The following EPB41L4B variants were observed in gnomAD, a reference collection of about 807,000 sequenced individuals.
The protein encoded by EPB41L4B is erythrocyte membrane protein band 4.1 like 4B, also known as band 4.1-like protein 4B.
In EPB41L4B, 30 loss-of-function variants were observed where a neutral mutation model predicts 112.5. That is an observed-to-expected ratio of 0.27 (90% CI 0.20 to 0.36). The LOEUF is 0.36. Among genes scored for constraint, EPB41L4B ranks in the 10% least tolerant of loss-of-function variants. The pLI is 1.00. For missense variants in EPB41L4B, 1,024 were observed against 1,133.3 expected (o/e 0.90, Z 1.38); for synonymous variants, 408 against 439.7 (o/e 0.93, Z 0.90).
chr9:109,233,284 C>G (rs995742763), intron 15 of EPB41L4B, among the ~76,000 whole-genome samples: 7 of 152,080 alleles, frequency 4.6e-5, no homozygotes, highest in African/African-American at 1.7e-4. Flanking sequence ...TATATTGAAA[C>G]TTTAATTGTA....
At chr9:109,182,687 A>C in intron 24 of EPB41L4B, 42 bp downstream of exon 24, 1 of 1,463,622 alleles carries the variant, frequency 6.8e-7, no homozygotes, top group African/African-American at 1.4e-5. Flanking sequence ...CCGCATGGGA[A>C]CAAGGGTTTA....
At chr9:109,281,869 C>T (rs1435216706) in intron 1 of EPB41L4B, among the ~76,000 whole-genome samples, 1 of 152,106 alleles carries the variant, frequency 6.6e-6, no homozygotes, top group Non-Finnish European at 1.5e-5. Context: ...GAGTTAGTTA[C>T]CACATGACCC....
chr9:109,253,406 T>C (rs751213450), intron 12 of EPB41L4B, 35 bp downstream of exon 12: 22 of 1,470,282 alleles, frequency 1.5e-5, no homozygotes, highest in Non-Finnish European at 2.1e-5. Context: ...TCAAGCATAA[T>C]GTAAAATTCC....
At chr9:109,296,296 C>T (rs1162124896) in intron 1 of EPB41L4B, among the ~76,000 whole-genome samples, 1 of 152,178 alleles carries the variant, frequency 6.6e-6, no homozygotes, top group African/African-American at 2.4e-5. Context: ...ACTGTTCCCC[C>T]ATAAGCCATG....
At chr9:109,277,479 T>C (rs554243783) in intron 2 of EPB41L4B, among the ~76,000 whole-genome samples, 410 of 152,272 alleles carry the variant, frequency 2.7e-3, no homozygotes, top group Non-Finnish European at 4.7e-3. Context: ...GATCCAGACA[T>C]GGACCTGTCG....
intron 6 of EPB41L4B, among the ~76,000 whole-genome samples, chr9:109,262,450 GGGGT>G (rs869038301): frequency 0.057 from 577 of 10,114 alleles, 10 homozygotes; most frequent in African/African-American, 0.13. Context: ...GGTGTGTGTG[GGGGT>G]GTGTGTGTGT....
At chr9:109,189,934 C>A (rs561921046) in intron 22 of EPB41L4B, among the ~76,000 whole-genome samples, 6 of 148,248 alleles carry the variant, frequency 4.0e-5, no homozygotes, top group African/African-American at 1.5e-4. Context: ...CCAGCTTTTT[C>A]TTTTCTTTTC....
At chr9:109,224,064 C>A (rs948881847) in intron 15 of EPB41L4B, among the ~76,000 whole-genome samples, 1 of 150,406 alleles carries the variant, frequency 6.6e-6, no homozygotes, top group Admixed American at 6.6e-5. Flanking sequence ...ATAAAATAAA[C>A]CAGGGGAAAC....
intron 1 of EPB41L4B, among the ~76,000 whole-genome samples, chr9:109,300,011 G>T (rs941335779): frequency 6.6e-6 from 1 of 152,334 alleles, no homozygotes; most frequent in Non-Finnish European, 1.5e-5. Context: ...GTGAAGAAAG[G>T]CTTCCGAGTC....
At chr9:109,268,553 A>G in intron 2 of EPB41L4B, 120 bp from the exon 3 acceptor site, 1 of 847,748 alleles carries the variant, frequency 1.2e-6, no homozygotes, top group Non-Finnish European at 1.8e-6. Flanking sequence ...GGTTTGGATC[A>G]TATCATGGGT....
intron 24 of EPB41L4B, among the ~76,000 whole-genome samples, chr9:109,179,528 T>G (rs1831974956): frequency 6.6e-6 from 1 of 152,322 alleles, no homozygotes; most frequent in Admixed American, 6.5e-5. Flanking sequence ...TAGTCCACTC[T>G]CTTGAGTTAC....
intron 15 of EPB41L4B, chr9:109,241,865 G>A (rs1416665929): frequency 5.1e-6 from 8 of 1,582,190 alleles, no homozygotes; most frequent in Non-Finnish European, 6.9e-6. Flanking sequence ...ATGCAGAAAT[G>A]TAAGTGAAAC....
intron 1 of EPB41L4B, 23 bp from the exon 2 acceptor site, chr9:109,279,944 A>G (rs1335553776): frequency 6.3e-7 from 1 of 1,599,218 alleles, no homozygotes; most frequent in East Asian, 2.2e-5. Flanking sequence ...TGGGAAGATG[A>G]AAAAACTTAG....
At chr9:109,192,605 T>C (rs1832498406) in intron 21 of EPB41L4B, among the ~76,000 whole-genome samples, 1 of 152,176 alleles carries the variant, frequency 6.6e-6, no homozygotes, top group Admixed American at 6.5e-5. Context: ...TTTTCTTAAG[T>C]GCTCTTAGTG....
intron 19 of EPB41L4B, among the ~76,000 whole-genome samples, chr9:109,201,202 GCA>G (rs1832813321): frequency 6.6e-6 from 1 of 152,076 alleles, no homozygotes. Context: ...TGTAATCCCA[GCA>G]CTTTAGGAGG....
chr9:109,253,683 AAACACAAAGTTT>A, intron 11 of EPB41L4B, 133 bp from the exon 12 acceptor site: 1 of 658,536 alleles, frequency 1.5e-6, no homozygotes, highest in Admixed American at 2.8e-5. Flanking sequence ...TTGGGTAAAG[AAACACAAAGTTT>A]AACCTTCCAT....
chr9:109,269,182 CTT>C (rs1404289291), intron 2 of EPB41L4B, among the ~76,000 whole-genome samples: 1 of 152,178 alleles, frequency 6.6e-6, no homozygotes, highest in Non-Finnish European at 1.5e-5. Context: ...GTCCTAAACT[CTT>C]TAAAGTACAG....
chr9:109,216,372 G>A (rs945665557), intron 16 of EPB41L4B, among the ~76,000 whole-genome samples: 3 of 152,154 alleles, frequency 2.0e-5, no homozygotes, highest in African/African-American at 7.2e-5. Context: ...CGGGCATGGT[G>A]GCTCACGCCT....
chr9:109,183,662 A>T (rs1422008559), intron 23 of EPB41L4B, among the ~76,000 whole-genome samples: 3 of 152,158 alleles, frequency 2.0e-5, no homozygotes, highest in African/African-American at 7.2e-5. Flanking sequence ...CTTTGTGCAC[A>T]TTCCTGGGGG....
Sources: allele counts gnomAD v4.1 joint callset (sites outside exome capture counted in the v4.1 genomes callset), GRCh38; gene constraint gnomAD v4.1.1; transcripts MANE v1.5; gene names NCBI Gene and HGNC (gene_info 2026-07-23, HGNC 2026-07-21).